Variants in TMEM240 observed in about 807,000 individuals in gnomAD.
TMEM240 encodes the protein transmembrane protein 240.
A neutral mutation model predicts 19.5 loss-of-function variants in TMEM240; 3 were observed. The ratio of observed to expected loss-of-function variants is 0.15; its 90% CI spans 0.07 to 0.40. The LOEUF (loss-of-function observed/expected upper bound fraction) is 0.40. TMEM240 is among the 10% of genes least tolerant of loss of function. The pLI is 1.00. For missense variants in TMEM240, 210 were observed against 253.5 expected (o/e 0.83, Z 1.17); for synonymous variants, 123 against 109.3 (o/e 1.13, Z -0.78).
Position 1,535,512 on chromosome 1 carries a change from G to C in TMEM240, c.374-5C>G, listed in dbSNP as rs1106226. The C allele has an allele frequency of 1.9e-6, 3 of 1,541,728 alleles. No individual in the cohort carries two copies. Among genetic ancestry groups the C allele is most frequent in the Non-Finnish European group, 2.6e-6 (3 of 1,142,530 alleles). On this transcript the variant is annotated splice_polypyrimidine_tract_variant and splice_region_variant and intron_variant, in intron 3 of 3. Coordinates refer to ENST00000378733, the MANE Select transcript of TMEM240 (RefSeq NM_001114748.2). This position sits in a 1 kb window ranked among gnomAD's most constrained non-coding sequence, Gnocchi z 8.2. ...GCAGCCAGGTCCACGAGCCATCTGC[G>C]GGGGGACAGGGGCGGTCAGGCGGCT...
intron 2 of TMEM240, 21 bp downstream of exon 2, chr1:1,539,663 C>T (rs1314593137): frequency 6.5e-7 from 1 of 1,543,116 alleles, no homozygotes; most frequent in Admixed American, 2.0e-5. Context: ...CGTGTCGAGC[C>T]GGCGCCGGTT....
In TMEM240 at chr1:1,536,861, C is replaced by A. The variant is rs79225104; in HGVS notation, c.165-1064G>T. 1.1e-3 allele frequency among the ~76,000 whole-genome samples: 174 copies of A among 152,254 alleles called. No individual in the cohort carries two copies. Among genetic ancestry groups the A allele is most frequent in the Non-Finnish European group, 2.0e-3 (137 of 68,002 alleles). ...TGTGTCTCCACGTGGGATCCGCAGACACCTTAAACTTGTGCCTAAAAATAG... is the reference window on the plus strand; with the variant it reads ...TGTGTCTCCACGTGGGATCCGCAGAAACCTTAAACTTGTGCCTAAAAATAG... On this transcript the variant is annotated intron_variant, in intron 2 of 3. Coordinates refer to ENST00000378733, the MANE Select transcript of TMEM240 (RefSeq NM_001114748.2). This position sits in a 1 kb window ranked among gnomAD's most constrained non-coding sequence, Gnocchi z 5.4.
rs1481415932 is a variant in TMEM240, at chr1:1,536,828, C to A, written c.165-1031G>T. Among the ~76,000 whole-genome samples the A allele has an allele frequency of 6.6e-6, 1 of 152,166 alleles. No homozygotes were observed. The highest frequency in any genetic ancestry group is 2.4e-5 in the African/African-American group (1 of 41,440). On this transcript the variant is annotated intron_variant, in intron 2 of 3. Coordinates refer to ENST00000378733, the MANE Select transcript of TMEM240 (RefSeq NM_001114748.2). The surrounding 1 kb of genome is among the most constrained non-coding windows in gnomAD (Gnocchi z 5.4). ...TGCCTCCCACATCTCCGCCGAGCTC[C>A]AGCTGCCTGTGTCTCCACGTGGGAT...
chr1:1,535,037 C>A lies in TMEM240; in HGVS notation c.*322G>T, dbSNP rs2100694471. ...GGGCCGCGCGCCTCGCCGCCCCTGC[C>A]CCCACCTGCCCCCCAGGACCCTCCC... On this transcript the variant is annotated 3_prime_UTR_variant, in exon 4 of 4. Transcript: ENST00000378733. This position sits in a 1 kb window ranked among gnomAD's most constrained non-coding sequence, Gnocchi z 8.2. The A allele has an allele frequency of 5.4e-6, 1 of 186,554 alleles. No homozygotes were observed. The highest frequency in any genetic ancestry group is 1.6e-4 in the East Asian group (1 of 6,284). The allele number at this position is 186,554 out of a possible 1,614,324, so 11.6% of individuals were successfully genotyped here. A position where few individuals can be genotyped will look rare whatever the true frequency, so the allele number is the denominator to read the frequency against.
chr1:1,538,769 C>T lies in TMEM240; in HGVS notation c.164+915G>A, dbSNP rs545328038. Among the ~76,000 whole-genome samples the T allele has an allele frequency of 3.9e-4, 59 of 152,358 alleles. No homozygotes were observed. The South Asian group carries it at 0.011, about 29-fold the overall frequency. On this transcript the variant is annotated intron_variant, in intron 2 of 3. Transcript: ENST00000378733. ...CACGCTTAGCAACACATGCAGCTGT[C>T]CTGAACACACATGCCCCACACCCAC... is the stretch of plus-strand genomic sequence containing the variant.
chr1:1,537,857 C>A (rs1440994700), intron 2 of TMEM240, among the ~76,000 whole-genome samples: 1 of 152,254 alleles, frequency 6.6e-6, no homozygotes, highest in Non-Finnish European at 1.5e-5. Flanking sequence ...CGGGGCGCCA[C>A]GTCACGTGCA....
Position 1,536,786 on chromosome 1 carries a change from C to G in TMEM240, c.165-989G>C, listed in dbSNP as rs566379599. Among the ~76,000 whole-genome samples the G allele has an allele frequency of 1.3e-5, 2 of 152,006 alleles. No individual in the cohort carries two copies. The highest frequency in any genetic ancestry group is 2.4e-5 in the African/African-American group (1 of 41,386). On this transcript the variant is annotated intron_variant, in intron 2 of 3. Transcript: ENST00000378733. This position sits in a 1 kb window ranked among gnomAD's most constrained non-coding sequence, Gnocchi z 5.4. ...GAGCCCGCGGGCCCCACGCGCCTTG[C>G]GGTCCACACTCCTGGCTGCCTCCCA... is the stretch of plus-strand genomic sequence containing the variant.
chr1:1,540,231 G>T, intron 1 of TMEM240, 59 bp downstream of exon 1: 1 of 1,151,686 alleles, frequency 8.7e-7, no homozygotes, highest in East Asian at 4.0e-5. Flanking sequence ...CGGGAGGTGG[G>T]CCAGGCGGCG....
chr1:1,535,315 C>T lies in TMEM240; in HGVS notation c.*44G>A, dbSNP rs1642195285. The T allele has an allele frequency of 6.5e-7, 1 of 1,543,522 alleles. No individual in the cohort carries two copies. Among genetic ancestry groups the T allele is most frequent in the Non-Finnish European group, 8.7e-7 (1 of 1,143,654 alleles). ...CCACGAGGTCCCTTTTACATCTGTA[C>T]AGCAGCCGGTTGGCTCGGTGGCCCC... On this transcript the variant is annotated 3_prime_UTR_variant, in exon 4 of 4. Transcript: ENST00000378733. This position sits in a 1 kb window ranked among gnomAD's most constrained non-coding sequence, Gnocchi z 8.2.
Position 1,536,895 on chromosome 1 carries a change from T to C in TMEM240, c.165-1098A>G, listed in dbSNP as rs1570371137. Among the ~76,000 whole-genome samples, 1 of 151,980 alleles carries C rather than the reference T, an allele frequency of 6.6e-6. No homozygotes were observed. Among genetic ancestry groups the C allele is most frequent in the East Asian group, 1.9e-4 (1 of 5,154 alleles). ...CTTGTGCCTAAAAATAGCTCCTCTC[T>C]CCCCAGACCTGCTTCTCCCCCACCT... On this transcript the variant is annotated intron_variant, in intron 2 of 3. Coordinates refer to ENST00000378733, the MANE Select transcript of TMEM240 (RefSeq NM_001114748.2). The surrounding 1 kb of genome is among the most constrained non-coding windows in gnomAD (Gnocchi z 5.4).
rs1422314532 is a variant in TMEM240, at chr1:1,535,377, G to T, written c.504C>A (p.Pro168=). Residue 168 remains proline (P), a synonymous_variant, in exon 4 of 4, where the codon CCC becomes CCA. Coordinates refer to ENST00000378733, the MANE Select transcript of TMEM240 (RefSeq NM_001114748.2). This position sits in a 1 kb window ranked among gnomAD's most constrained non-coding sequence, Gnocchi z 8.2. Reference sequence around the variant, plus strand: ...GTGCGGCTCACAGGTGCCGCGGGCTGGGGTGGCCATTGTGGTAGAGTTTCT... The same window carrying T: ...GTGCGGCTCACAGGTGCCGCGGGCTTGGGTGGCCATTGTGGTAGAGTTTCT... ...VKQKLYHNGH[P]SPRHL 1.9e-6 allele frequency: 3 copies of T among 1,549,790 alleles called. No individual in the cohort carries two copies. The highest frequency in any genetic ancestry group is 1.2e-5 in the South Asian group (1 of 83,984).
In TMEM240 at chr1:1,535,694, G is replaced by C. The variant is rs1447803912; in HGVS notation, c.268C>G (p.Leu90Val). The change falls in exon 3 of 4, where the codon CTC becomes GTC. Residue 90 changes from leucine to valine, a missense_variant. Leu to Val is a conservative substitution (Grantham distance 32). Coordinates refer to ENST00000378733, the MANE Select transcript of TMEM240 (RefSeq NM_001114748.2). The surrounding 1 kb of genome is among the most constrained non-coding windows in gnomAD (Gnocchi z 8.2). ...TDSVTKQEID[L>V]MLGLLLGFCI... The stretch of plus-strand genomic sequence containing the variant: ...AAGCCCAGCAGCAGCCCCAGCATGA[G>C]GTCGATCTCCTGCTTGGTCACACTG... The C allele has an allele frequency of 6.5e-7, 1 of 1,550,310 alleles. No individual in the cohort carries two copies. The highest frequency in any genetic ancestry group is 1.4e-5 in the African/African-American group (1 of 73,018).
Position 1,535,288 on chromosome 1 carries a change from G to A in TMEM240, c.*71C>T, listed in dbSNP as rs532878806. 52 of 1,497,968 alleles carry A rather than the reference G, an allele frequency of 3.5e-5. No individual in the cohort carries two copies. The highest frequency in any genetic ancestry group is 3.5e-4 in the Middle Eastern group (2 of 5,704). The allele number at this position is 1,497,968 out of a possible 1,614,324, so 92.8% of individuals were successfully genotyped here. A position where few individuals can be genotyped will look rare whatever the true frequency, so the allele number is the denominator to read the frequency against. On this transcript the variant is annotated 3_prime_UTR_variant, in exon 4 of 4. Coordinates refer to ENST00000378733, the MANE Select transcript of TMEM240 (RefSeq NM_001114748.2). This position sits in a 1 kb window ranked among gnomAD's most constrained non-coding sequence, Gnocchi z 8.2. ...GCTGTCCAGTCCCGCCGGCCCGGGCGTCCACGAGGTCCCTTTTACATCTGT... is the reference window on the plus strand; with the variant it reads ...GCTGTCCAGTCCCGCCGGCCCGGGCATCCACGAGGTCCCTTTTACATCTGT...
In TMEM240 at chr1:1,535,574, G is replaced by A. The variant is rs758255905; in HGVS notation, c.373+15C>T. Reference sequence around the variant, plus strand: ...GGGCGGCAGCACTCCCGGGCGGCGGGCACGAGGCACTCACCGTAGCGCCGT... The same window carrying A: ...GGGCGGCAGCACTCCCGGGCGGCGGACACGAGGCACTCACCGTAGCGCCGT... On this transcript the variant is annotated intron_variant, in intron 3 of 3. Transcript: ENST00000378733. This position sits in a 1 kb window ranked among gnomAD's most constrained non-coding sequence, Gnocchi z 8.2. 28 of 1,546,046 alleles carry A rather than the reference G, an allele frequency of 1.8e-5. No individual in the cohort carries two copies. The South Asian group carries it at 3.1e-4, about 17-fold the overall frequency.
chr1:1,535,918 A>C lies in TMEM240; in HGVS notation c.165-121T>G. ...GGCCGCCCTGGGGGTTCTCTGAAGCAGCCTCTTGGGCGGGCGGGTCGGGAA... is the reference window on the plus strand; with the variant it reads ...GGCCGCCCTGGGGGTTCTCTGAAGCCGCCTCTTGGGCGGGCGGGTCGGGAA... On this transcript the variant is annotated intron_variant, in intron 2 of 3. Transcript: ENST00000378733. This position sits in a 1 kb window ranked among gnomAD's most constrained non-coding sequence, Gnocchi z 8.2. The C allele has an allele frequency of 1.7e-5, 7 of 422,522 alleles. No homozygotes were observed. Among genetic ancestry groups the C allele is most frequent in the East Asian group, 6.9e-5 (1 of 14,504 alleles). The allele number at this position is 422,522 out of a possible 1,614,324, so 26.2% of individuals were successfully genotyped here.
chr1:1,539,469 C>T, intron 2 of TMEM240: 1 of 576,946 alleles, frequency 1.7e-6, no homozygotes, highest in Admixed American at 3.1e-5. Context: ...ATTCCGCCAT[C>T]ACCCTGGAGG....
At position 1,536,786 on chromosome 1, in the gene TMEM240, C is replaced by T. The variant is rs566379599; in HGVS notation, c.165-989G>A. Among the ~76,000 whole-genome samples the T allele has an allele frequency of 2.6e-5, 4 of 152,124 alleles. No homozygotes were observed. Among genetic ancestry groups the T allele is most frequent in the South Asian group, 2.1e-4 (1 of 4,816 alleles). On this transcript the variant is annotated intron_variant, in intron 2 of 3. Coordinates refer to ENST00000378733, the MANE Select transcript of TMEM240 (RefSeq NM_001114748.2). This position sits in a 1 kb window ranked among gnomAD's most constrained non-coding sequence, Gnocchi z 5.4. ...GAGCCCGCGGGCCCCACGCGCCTTG[C>T]GGTCCACACTCCTGGCTGCCTCCCA...
chr1:1,538,863 C>G (rs1642259898), intron 2 of TMEM240, among the ~76,000 whole-genome samples: 1 of 152,200 alleles, frequency 6.6e-6, no homozygotes, highest in Non-Finnish European at 1.5e-5. Context: ...GGCTGGTGCC[C>G]CCTTTGTCCT....
At position 1,535,457 on chromosome 1, in the gene TMEM240, G is replaced by A. The variant is rs763113928; in HGVS notation, c.424C>T (p.Arg142Trp). 72 of 1,549,058 alleles carry A rather than the reference G, an allele frequency of 4.6e-5. No homozygotes were observed. The highest frequency in any genetic ancestry group is 5.6e-5 in the Non-Finnish European group (64 of 1,146,348). ...TCCTCGAAGGGCCTGTGCGGCCGCC[G>A]GCCCAGCTCCCGCAGGCTGCACAGC... ...PKLCSLRELGRRPHRPFEEAA... is the reference protein window; with the variant it reads ...PKLCSLRELGWRPHRPFEEAA... Residue 142 changes from arginine to tryptophan, a missense_variant, in exon 4 of 4, where the codon CGG becomes TGG. Arg to Trp is a moderately radical substitution (Grantham distance 101). Coordinates refer to ENST00000378733, the MANE Select transcript of TMEM240 (RefSeq NM_001114748.2). The surrounding 1 kb of genome is among the most constrained non-coding windows in gnomAD (Gnocchi z 8.2).
Sources: allele counts gnomAD v4.1 joint callset (sites outside exome capture counted in the v4.1 genomes callset), GRCh38; gene constraint gnomAD v4.1.1; non-coding constraint Gnocchi (gnomAD v3.1); transcripts MANE v1.5; gene names NCBI Gene and HGNC (gene_info 2026-07-23, HGNC 2026-07-21).